The following CALD1 variants were observed in gnomAD, a reference collection of about 807,000 sequenced individuals.
CALD1 encodes the protein caldesmon 1.
In CALD1, 33 loss-of-function variants were observed where a neutral mutation model predicts 99.9. The observed-to-expected ratio is 0.33, with a 90% CI of 0.25 to 0.44. The LOEUF (loss-of-function observed/expected upper bound fraction) is 0.44. Among genes scored for constraint, CALD1 ranks in the 20% least tolerant of loss-of-function variants. The pLI, the probability that CALD1 is intolerant of heterozygous loss-of-function variation, is 1.00. For synonymous variants in CALD1, 310 were observed against 325.0 expected (o/e 0.95, Z 0.50); for missense variants, 861 against 962.1 (o/e 0.89, Z 1.39).
At chr7:134,714,027 T>A in the CALD1 span, among the ~76,000 whole-genome samples, 1 of 152,084 alleles carries the variant, frequency 6.6e-6, no homozygotes, top group Non-Finnish European at 1.5e-5. Context: ...TTGCTAGATC[T>A]GGTTGTTTAA....
chr7:134,812,586 A>T (rs921520217), intron 1 of CALD1, among the ~76,000 whole-genome samples: 3 of 97,946 alleles, frequency 3.1e-5, no homozygotes, highest in African/African-American at 1.2e-4. Context: ...GAATAGTTAA[A>T]AAAAAAAAAA....
chr7:134,774,027 G>A (rs1225757770), intron 1 of CALD1, among the ~76,000 whole-genome samples: 3 of 152,010 alleles, frequency 2.0e-5, no homozygotes, highest in Admixed American at 6.6e-5. Context: ...AAAATTAGCC[G>A]GGTGTGGTGG....
the CALD1 span, among the ~76,000 whole-genome samples, chr7:134,717,450 G>A: frequency 4.0e-3 from 613 of 152,340 alleles, 5 homozygotes; most frequent in Non-Finnish European, 7.1e-3. Context: ...ACACATTTCA[G>A]TTTCATTCAA....
chr7:134,948,625 A>C (rs1439576756), intron 8 of CALD1, among the ~76,000 whole-genome samples: 1 of 152,186 alleles, frequency 6.6e-6, no homozygotes, highest in Admixed American at 6.5e-5. Flanking sequence ...CCGCTTTTCC[A>C]ACTCAGAGCC....
chr7:134,780,514 T>G (rs992828276), intron 1 of CALD1, among the ~76,000 whole-genome samples: 2 of 152,114 alleles, frequency 1.3e-5, no homozygotes, highest in African/African-American at 4.8e-5. Flanking sequence ...TGTGCCTGAG[T>G]GTGTCTAGAG....
rs548784819 is a variant in CALD1 at position 134,822,388 on chromosome 7, T to C, written c.-129-21496T>C. Among the ~76,000 whole-genome samples the C allele has an allele frequency of 1.1e-4, 17 of 152,340 alleles. No individual in the cohort carries two copies. In the East Asian group the frequency reaches 3.1e-3, roughly 28 times the overall value. On this transcript the variant is annotated intron_variant, in intron 1 of 14. Transcript: ENST00000361675. ...GTAAATGGGATGAAGGGAAACTTTCTAGAATTTCTAGAATCATATCTTGTC... is the reference window on the plus strand; with the variant it reads ...GTAAATGGGATGAAGGGAAACTTTCCAGAATTTCTAGAATCATATCTTGTC...
At chr7:134,877,422 G>C (rs1213567018) in intron 3 of CALD1, among the ~76,000 whole-genome samples, 1 of 152,138 alleles carries the variant, frequency 6.6e-6, no homozygotes, top group Non-Finnish European at 1.5e-5. Context: ...CTACTTGTTT[G>C]AAATCAAGAC....
chr7:134,751,989 G>T (rs769021371), intron 1 of CALD1, among the ~76,000 whole-genome samples: 3 of 152,026 alleles, frequency 2.0e-5, no homozygotes, highest in Non-Finnish European at 4.4e-5. Flanking sequence ...AAAAAAGTTT[G>T]TCATCTATAC....
the CALD1 span, among the ~76,000 whole-genome samples, chr7:134,717,601 C>T: frequency 1.3e-5 from 2 of 152,222 alleles, no homozygotes; most frequent in African/African-American, 2.4e-5. Flanking sequence ...CACTTGGCTG[C>T]TCAGACTGGA....
At chr7:134,809,698 A>G (rs1798282703) in intron 1 of CALD1, 1 of 152,220 alleles carries the variant, frequency 6.6e-6, no homozygotes, top group Non-Finnish European at 1.5e-5. Context: ...ACATGAAAAG[A>G]GAGGTTTAGG....
chr7:134,876,457 C>T (rs1801358383), intron 3 of CALD1, among the ~76,000 whole-genome samples: 1 of 152,134 alleles, frequency 6.6e-6, no homozygotes, highest in Non-Finnish European at 1.5e-5. Context: ...ATGTAGAGTG[C>T]TTTCTAAAAC....
the CALD1 span, among the ~76,000 whole-genome samples, chr7:134,725,104 C>T: frequency 6.6e-6 from 1 of 152,164 alleles, no homozygotes; most frequent in African/African-American, 2.4e-5. Flanking sequence ...TTGCTCCTGA[C>T]AGCCAGAAAG....
intron 1 of CALD1, among the ~76,000 whole-genome samples, chr7:134,808,364 T>C (rs1798231038): frequency 6.6e-6 from 1 of 152,158 alleles, no homozygotes; most frequent in African/African-American, 2.4e-5. Context: ...CAACTCGGCC[T>C]GCCAAAGTGC....
intron 1 of CALD1, among the ~76,000 whole-genome samples, chr7:134,782,372 T>G (rs1327969600): frequency 6.6e-6 from 1 of 152,212 alleles, no homozygotes; most frequent in African/African-American, 2.4e-5. Flanking sequence ...CGTTAAGTTC[T>G]CTTAGGGCCT....
intron 3 of CALD1, among the ~76,000 whole-genome samples, chr7:134,894,107 A>G (rs1346435334): frequency 6.6e-6 from 1 of 152,136 alleles, no homozygotes; most frequent in Non-Finnish European, 1.5e-5. Context: ...TGCCATGGTG[A>G]AGTTTTAACA....
intron 9 of CALD1, 111 bp from the exon 10 acceptor site, chr7:134,957,958 T>TA: frequency 1.3e-6 from 1 of 776,322 alleles, no homozygotes; most frequent in Middle Eastern, 3.6e-4. Flanking sequence ...AATACCCTTA[T>TA]ATGCTCTTCG....
the CALD1 span, among the ~76,000 whole-genome samples, chr7:134,735,565 C>CTG: frequency 0.12 from 14,338 of 121,076 alleles, 774 homozygotes; most frequent in African/African-American, 0.18. Flanking sequence ...CCACTACCCT[C>CTG]TGTGTGTGTG....
chr7:134,913,281 A>T (rs112427512), intron 3 of CALD1, among the ~76,000 whole-genome samples: 471 of 152,308 alleles, frequency 3.1e-3, no homozygotes, highest in Middle Eastern at 0.014. Context: ...AAGAAAAAAA[A>T]AATTAGGCTA....
intron 6 of CALD1, among the ~76,000 whole-genome samples, chr7:134,939,222 CT>C (rs1173386647): frequency 6.6e-6 from 1 of 152,256 alleles, no homozygotes; most frequent in African/African-American, 2.4e-5. Flanking sequence ...CACAGTGAAG[CT>C]GTCATTCAGG....
Sources: gnomAD v4.1 joint callset for allele counts (sites outside exome capture counted in the v4.1 genomes callset) on GRCh38, gnomAD v4.1.1 for gene constraint, MANE v1.5 for transcripts, NCBI Gene and HGNC (gene_info 2026-07-23, HGNC 2026-07-21) for gene names.